MID1: variants seen among roughly 807,000 people sequenced by gnomAD.
MID1 encodes midline 1.
MID1 carries 7 observed loss-of-function variants against 40.4 expected under a neutral mutation model. That is an observed-to-expected ratio of 0.17 (90% CI 0.10 to 0.33). The LOEUF (loss-of-function observed/expected upper bound fraction) is 0.33, where lower values mean the gene tolerates loss of function less well. Ranked by LOEUF, MID1 falls within the 10% of genes least tolerant of loss-of-function variation. MID1 has a pLI of 1.00. For synonymous variants in MID1, 229 were observed against 221.2 expected (o/e 1.04, Z -0.31); for missense variants, 367 against 558.5 (o/e 0.66, Z 3.46).
chrX:10,457,159 C>T (rs1345188052), intron 8 of MID1, among the ~76,000 whole-genome samples: 5 of 111,953 alleles, frequency 4.5e-5, no homozygotes, highest in East Asian at 2.8e-4. Flanking sequence ...TCCTTAATGG[C>T]GCCCATCATT....
rs746313190 is a variant in MID1 at position 10,474,757 on chromosome X, T to C, written c.1014-7A>G. 21 of 1,206,522 alleles carry C rather than the reference T, an allele frequency of 1.7e-5. No individual in the cohort carries two copies. The highest frequency in any genetic ancestry group is 2.4e-5 in the Non-Finnish European group (21 of 891,620). On this transcript the variant is annotated splice_region_variant and splice_polypyrimidine_tract_variant and intron_variant, in intron 5 of 9. Transcript: ENST00000317552. ...TGCAGTTGCCATGGAGACTCTGTAA[T>C]GCAAACAAAACAATGTTTCAGAAAT...
intron 2 of MID1, among the ~76,000 whole-genome samples, chrX:10,566,055 T>A (rs1244981858): frequency 2.7e-5 from 3 of 110,509 alleles, no homozygotes; most frequent in Non-Finnish European, 5.7e-5. Flanking sequence ...AGTGATTCAC[T>A]CTCCTCGGCC....
intron 1 of MID1, among the ~76,000 whole-genome samples, chrX:10,770,616 C>T (rs115184115): frequency 0.044 from 4,889 of 111,665 alleles, 237 homozygotes; most frequent in African/African-American, 0.15. Flanking sequence ...CTAGTGTTTA[C>T]GTAGGTAGTC....
At chrX:10,747,477 C>T (rs1401690066) in intron 1 of MID1, among the ~76,000 whole-genome samples, 1 of 111,934 alleles carries the variant, frequency 8.9e-6, no homozygotes, top group Non-Finnish European at 1.9e-5. Flanking sequence ...TAAACTTAAT[C>T]AATGATTGGT....
intron 1 of MID1, among the ~76,000 whole-genome samples, chrX:10,745,860 G>A (rs745972420): frequency 2.7e-5 from 3 of 112,182 alleles, no homozygotes; most frequent in Non-Finnish European, 5.6e-5. Flanking sequence ...TAAAGAAGGG[G>A]GTTGAATCAA....
intron 1 of MID1, among the ~76,000 whole-genome samples, chrX:10,663,513 G>GT: frequency 9.0e-6 from 1 of 111,583 alleles, no homozygotes; most frequent in South Asian, 3.7e-4. Context: ...TCCTGCATTT[G>GT]TTTTTTTGTT....
intron 1 of MID1, among the ~76,000 whole-genome samples, chrX:10,674,856 A>C (rs1233313610): frequency 8.9e-6 from 1 of 112,413 alleles, no homozygotes; most frequent in Non-Finnish European, 1.9e-5. Flanking sequence ...ATTGAAAGGG[A>C]ATTGACTTTC....
intron 1 of MID1, among the ~76,000 whole-genome samples, chrX:10,740,868 T>G (rs2043519097): frequency 9.8e-6 from 1 of 101,740 alleles, no homozygotes; most frequent in Admixed American, 1.0e-4. Context: ...TCAGGCACTT[T>G]GAAAAAAAAA....
intron 2 of MID1, among the ~76,000 whole-genome samples, chrX:10,549,395 T>G (rs1215143271): frequency 8.8e-6 from 1 of 113,316 alleles, no homozygotes; most frequent in Non-Finnish European, 1.9e-5. Context: ...TAACCAACTG[T>G]GAGATCTAAA....
chrX:10,574,200 G>C (rs930325938), intron 1 of MID1, among the ~76,000 whole-genome samples: 1 of 111,771 alleles, frequency 8.9e-6, no homozygotes, highest in African/African-American at 3.3e-5. Context: ...GAATCACAAG[G>C]CTCTTTAAAC....
chrX:10,576,767 T>C (rs1937853302), intron 1 of MID1: 1 of 110,796 alleles, frequency 9.0e-6, no homozygotes, highest in African/African-American at 3.3e-5. Flanking sequence ...GACAAAGAGA[T>C]CACCTTGAAT....
intron 4 of MID1, among the ~76,000 whole-genome samples, chrX:10,483,752 T>C (rs1388014310): frequency 8.9e-6 from 1 of 112,294 alleles, no homozygotes; most frequent in Non-Finnish European, 1.9e-5. Flanking sequence ...CAAGTCGTCA[T>C]TACCATCCCT....
At chrX:10,672,441 G>A (rs1291830965) in intron 1 of MID1, among the ~76,000 whole-genome samples, 1 of 111,123 alleles carries the variant, frequency 9.0e-6, no homozygotes, top group Non-Finnish European at 1.9e-5. Context: ...GGGGTCACCT[G>A]GTGGCCCCAG....
intron 1 of MID1, among the ~76,000 whole-genome samples, chrX:10,627,239 G>A (rs1050378681): frequency 2.7e-5 from 3 of 112,017 alleles, no homozygotes; most frequent in African/African-American, 6.5e-5. Flanking sequence ...GACCAGAGTC[G>A]TGGTAGAGCT....
At chrX:10,525,394 T>C (rs1932811106) in intron 2 of MID1, among the ~76,000 whole-genome samples, 1 of 112,268 alleles carries the variant, frequency 8.9e-6, no homozygotes, top group Non-Finnish European at 1.9e-5. Flanking sequence ...TTCTCTCTGT[T>C]CCTATTACAA....
At chrX:10,833,250 T>C (rs1207096903) in intron 1 of MID1, among the ~76,000 whole-genome samples, 2 of 112,224 alleles carry the variant, frequency 1.8e-5, no homozygotes, top group African/African-American at 3.2e-5. Flanking sequence ...CCAAGGCTAA[T>C]TTCCACTGTT....
intron 1 of MID1, among the ~76,000 whole-genome samples, chrX:10,629,948 A>C (rs1936034203): frequency 8.9e-6 from 1 of 112,324 alleles, no homozygotes; most frequent in Non-Finnish European, 1.9e-5. Flanking sequence ...TATAAGAAAA[A>C]GAATCGGAGA....
chrX:10,484,208 A>T (rs929994931), intron 4 of MID1, among the ~76,000 whole-genome samples: 1 of 112,656 alleles, frequency 8.9e-6, no homozygotes, highest in Non-Finnish European at 1.9e-5. Context: ...AAACTAATTT[A>T]CAGTCCACAG....
At chrX:10,555,062 G>A (rs1350587828) in intron 2 of MID1, among the ~76,000 whole-genome samples, 1 of 111,923 alleles carries the variant, frequency 8.9e-6, no homozygotes, top group East Asian at 2.8e-4. Flanking sequence ...CTTTCAGAGT[G>A]GAAATGACAT....
Sources: gnomAD v4.1 joint callset for allele counts (sites outside exome capture counted in the v4.1 genomes callset) on GRCh38, gnomAD v4.1.1 for gene constraint, MANE v1.5 for transcripts, NCBI Gene and HGNC (gene_info 2026-07-23, HGNC 2026-07-21) for gene names.